The following EIF3A variants were observed in gnomAD, a reference collection of about 807,000 sequenced individuals.
EIF3A encodes eukaryotic translation initiation factor 3 subunit A.
A neutral mutation model predicts 186.6 loss-of-function variants in EIF3A; 21 were observed. The ratio of observed to expected loss-of-function variants is 0.11; its 90% CI spans 0.08 to 0.16. EIF3A has a LOEUF of 0.16. EIF3A is among the 10% of genes least tolerant of loss of function. EIF3A has a pLI of 1.00. For missense variants in EIF3A, 1,306 were observed against 1,796.3 expected, an observed-to-expected ratio of 0.73 and a Z score of 4.93; for synonymous variants, 563 against 584.3, an observed-to-expected ratio of 0.96 and a Z score of 0.52.
At chr10:119,077,766 G>A (rs1044535296) in intron 1 of EIF3A, among the ~76,000 whole-genome samples, 1 of 151,956 alleles carries the variant, frequency 6.6e-6, no homozygotes, top group African/African-American at 2.4e-5. Flanking sequence ...TGTTAGTGAG[G>A]ATGGTCTTGA....
At chr10:119,071,259 T>G (rs1215310847) in intron 4 of EIF3A, among the ~76,000 whole-genome samples, 174 bp from the exon 5 acceptor site, 1 of 152,190 alleles carries the variant, frequency 6.6e-6, no homozygotes, top group Non-Finnish European at 1.5e-5. Context: ...CCTTTTTGAG[T>G]GAGCCCTAAC....
Position 119,036,202 on chromosome 10 carries a change from C to A in EIF3A, c.3986G>T (p.Arg1329Leu). 1.2e-6 allele frequency: 2 copies of A among 1,613,622 alleles called. No homozygotes were observed. The highest frequency in any genetic ancestry group is 1.7e-6 in the Non-Finnish European group (2 of 1,179,942). The change falls in exon 22 of 22, where the codon CGA becomes CTA. Residue 1329 changes from arginine to leucine, a missense_variant. This residue lies in a region of EIF3A where 331 missense variants were observed against 365.8 expected (regional missense o/e 0.90). Transcript: ENST00000369144. ...TCTTGAAAGAGCTGGGGGAGGAACT[C>A]GACGAGGAGGGTCCCGCTCTTCCAC... Reference protein sequence around the residue: ...DRVEERDPPRRVPPPALSRDR... With the variant: ...DRVEERDPPRLVPPPALSRDR...
intron 2 of EIF3A, 73 bp downstream of exon 2, chr10:119,073,674 C>T (rs986614041): frequency 2.0e-5 from 31 of 1,559,036 alleles, no homozygotes; most frequent in Middle Eastern, 1.7e-4. Context: ...AATATATTCA[C>T]TTCGAAAGGT....
At chr10:119,038,515 T>C (rs181640015) in intron 19 of EIF3A, 76 bp from the exon 20 acceptor site, 56 of 1,181,336 alleles carry the variant, frequency 4.7e-5, no homozygotes, top group Non-Finnish European at 6.0e-5. Context: ...TGAATAGACG[T>C]TGGCATTAAT....
intron 9 of EIF3A, 48 bp from the exon 10 acceptor site, chr10:119,059,766 C>A: frequency 8.1e-7 from 1 of 1,234,446 alleles, no homozygotes; most frequent in Non-Finnish European, 1.2e-6. Context: ...GTTTATTCAG[C>A]ACTTTTTATG....
At chr10:119,054,922 C>G (rs1490827979) in intron 14 of EIF3A, among the ~76,000 whole-genome samples, 2 of 152,098 alleles carry the variant, frequency 1.3e-5, no homozygotes, top group Non-Finnish European at 2.9e-5. Flanking sequence ...AATATTACCT[C>G]TCAGGAGCTG....
At position 119,069,477 on chromosome 10, in the gene EIF3A, T is replaced by C; in HGVS notation, c.919A>G (p.Arg307Gly). 1 of 1,555,760 alleles carries C rather than the reference T, an allele frequency of 6.4e-7. No individual in the cohort carries two copies. The highest frequency in any genetic ancestry group is 8.9e-7 in the Non-Finnish European group (1 of 1,126,562). ...HRLYHLSREM[R>G]KNLTQDEMQR... ...ATCTCATCTTGTGTGAGATTCTTTC[T>C]CATTTCTCTAGAGAGATGGTAAAGA... is the stretch of plus-strand genomic sequence containing the variant. The change falls in exon 6 of 22, where the codon AGA (arginine) becomes GGA (glycine). Residue 307 changes from arginine (R) to glycine (G), a missense_variant. Physicochemically the swap from Arg to Gly is moderately radical, Grantham distance 125. Coordinates refer to ENST00000369144, the MANE Select transcript of EIF3A (RefSeq NM_003750.4).
intron 7 of EIF3A, among the ~76,000 whole-genome samples, chr10:119,061,795 T>C (rs1006440690): frequency 1.3e-5 from 2 of 152,170 alleles, no homozygotes; most frequent in Non-Finnish European, 2.9e-5. Flanking sequence ...AACAGCTACA[T>C]AGAACACATG....
Position 119,058,100 on chromosome 10 carries a change from C to T in EIF3A, c.1833G>A (p.Arg611=), listed in dbSNP as rs746066493. Residue 611 remains arginine (R), a synonymous_variant, in exon 12 of 22, where the codon AGG becomes AGA. Transcript: ENST00000369144. ...LQKVRKAEEE[R]LRQEAKEREK... ...CTCTCTCCTTTGCTTCCTGGCGCAG[C>T]CTCTCTTCCTCAGCCTTCCGCACTT... 1.9e-5 allele frequency: 31 copies of T among 1,614,076 alleles called. No individual in the cohort carries two copies. The South Asian group carries it at 2.0e-4, about 10-fold the overall frequency.
At chr10:119,071,140 T>A in intron 4 of EIF3A, 55 bp from the exon 5 acceptor site, 1 of 1,242,394 alleles carries the variant, frequency 8.0e-7, no homozygotes, top group Non-Finnish European at 1.2e-6. Flanking sequence ...ACTTAAATAT[T>A]TGAATAGGTT....
chr10:119,044,313 G>A (rs1270325570), intron 17 of EIF3A, among the ~76,000 whole-genome samples, 171 bp from the exon 18 acceptor site: 1 of 152,024 alleles, frequency 6.6e-6, no homozygotes, highest in East Asian at 1.9e-4. Flanking sequence ...ACGCTACAGG[G>A]AAACTGGTAG....
chr10:119,073,788 C>T lies in EIF3A; in HGVS notation c.199G>A (p.Ala67Thr), dbSNP rs770731243. ...TTATACTGGTATAACCCCTCCTTTG[C>T]CAAGTGGCTCTTGCGAAGATCCACG... ...LCVDLRKSHL[A>T]KEGLYQYKNI... The change falls in exon 2 of 22, where the codon GCA becomes ACA. Residue 67 changes from alanine (A) to threonine (T), a missense_variant. Physicochemically the swap from Ala to Thr is moderately conservative, Grantham distance 58 (BLOSUM62 0). This residue lies in a region of EIF3A where 130 missense variants were observed against 259.3 expected (regional missense o/e 0.50). Coordinates refer to ENST00000369144, the MANE Select transcript of EIF3A (RefSeq NM_003750.4). 1.2e-6 allele frequency: 2 copies of T among 1,613,186 alleles called. 1 individual carries two copies. Among genetic ancestry groups the T allele is most frequent in the South Asian group, 2.2e-5 (2 of 90,834 alleles).
At position 119,056,728 on chromosome 10, in the gene EIF3A, T is replaced by TA; in HGVS notation, c.2196+11dup. 2.0e-6 allele frequency: 3 copies of TA among 1,509,416 alleles called. No homozygotes were observed. The highest frequency in any genetic ancestry group is 2.8e-6 in the Non-Finnish European group (3 of 1,088,772). The allele number at this position is 1,509,416 out of a possible 1,614,324, so 93.5% of individuals were successfully genotyped here. On this transcript the variant is annotated intron_variant, in intron 14 of 21. Coordinates refer to ENST00000369144, the MANE Select transcript of EIF3A (RefSeq NM_003750.4). ...ACAATCTAAAAATATTACAATTAAA[T>TA]AAAAAACTTACTCTTTCTTCCTCTT...
intron 6 of EIF3A, among the ~76,000 whole-genome samples, chr10:119,068,971 C>CAAAAA (rs59413780): frequency 3.3e-4 from 33 of 98,924 alleles, no homozygotes; most frequent in South Asian, 6.2e-4. Context: ...CTCTGTCTTG[C>CAAAAA]AAAAAAAAAA....
At chr10:119,052,059 C>CCA (rs1848363532) in intron 14 of EIF3A, among the ~76,000 whole-genome samples, 1 of 152,118 alleles carries the variant, frequency 6.6e-6, no homozygotes, top group Admixed American at 6.6e-5. Flanking sequence ...ATGAAGTTTG[C>CCA]CACACTGATT....
intron 14 of EIF3A, among the ~76,000 whole-genome samples, chr10:119,052,399 T>TGTGTGTGTGTG (rs1554870363): frequency 5.4e-5 from 8 of 149,216 alleles, no homozygotes; most frequent in South Asian, 2.1e-4. Context: ...TGTGTGTGTG[T>TGTGTGTGTGTG]TTTAAGACAG....
At position 119,080,798 on chromosome 10, in the gene EIF3A, G is replaced by C. The variant is rs777181339; in HGVS notation, c.-122C>G. 3.5e-6 allele frequency: 5 copies of C among 1,431,510 alleles called. No individual in the cohort carries two copies. The African/African-American group carries it at 4.5e-5, about 13-fold the overall frequency. 88.7% of individuals were successfully genotyped at this position (1,431,510 alleles called of 1,614,324 possible). On this transcript the variant is annotated 5_prime_UTR_variant, in exon 1 of 22. Transcript: ENST00000369144. ...CCTCGCCAGCAGTCGCCCGCGCCCA[G>C]CCGGCCAGAGACGGAAAGGAAGGAG...
At position 119,058,249 on chromosome 10, in the gene EIF3A, G is replaced by C. The variant is rs1843823500; in HGVS notation, c.1684C>G (p.Arg562Gly). The part of the protein sequence containing the change: ...LAVTAYLKNS[R>G]KEHQRILARR... Reference sequence around the variant, plus strand: ...GCCAGGATCCGCTGGTGCTCTTTTCGTGAATTTTTAAGGTATGCAGTGACA... The same window carrying C: ...GCCAGGATCCGCTGGTGCTCTTTTCCTGAATTTTTAAGGTATGCAGTGACA... Residue 562 changes from arginine to glycine, a missense_variant, in exon 12 of 22, where the codon CGA becomes GGA. Physicochemically the swap from Arg to Gly is moderately radical, Grantham distance 125 (BLOSUM62 -2). Transcript: ENST00000369144. 2 of 1,611,020 alleles carry C rather than the reference G, an allele frequency of 1.2e-6. No homozygotes were observed. The highest frequency in any genetic ancestry group is 1.7e-6 in the Non-Finnish European group (2 of 1,178,744).
chr10:119,058,449 G>A (rs1843827617), intron 11 of EIF3A, 146 bp from the exon 12 acceptor site: 1 of 654,040 alleles, frequency 1.5e-6, no homozygotes, highest in East Asian at 2.7e-5. Context: ...CAAGCTGTTT[G>A]TTTTCGGTAT....
Sources: gnomAD v4.1 joint callset for allele counts (sites outside exome capture counted in the v4.1 genomes callset) on GRCh38, gnomAD v4.1.1 for gene constraint, gnomAD v4.1.1 regional missense constraint, MANE v1.5 for transcripts, NCBI Gene and HGNC (gene_info 2026-07-23, HGNC 2026-07-21) for gene names.